Variants in HIVEP3 observed in about 807,000 individuals in gnomAD.
HIVEP3 encodes the protein HIVEP zinc finger 3.
HIVEP3 carries 49 observed loss-of-function variants against 152.8 expected under a neutral mutation model. The ratio of observed to expected loss-of-function variants is 0.32; its 90% CI spans 0.26 to 0.41. The LOEUF is 0.41. Ranked by LOEUF, HIVEP3 falls within the 10% of genes least tolerant of loss-of-function variation. HIVEP3 has a pLI of 1.00. For missense variants in HIVEP3, 2,790 were observed against 3,103.3 expected (o/e 0.90, Z 2.40); for synonymous variants, 1,269 against 1,289.0 (o/e 0.98, Z 0.33).
intron 3 of HIVEP3, among the ~76,000 whole-genome samples, chr1:41,611,359 C>A (rs907109114): frequency 2.6e-5 from 4 of 152,156 alleles, no homozygotes; most frequent in African/African-American, 9.7e-5. Context: ...AACAAAGACA[C>A]AAACTGTGGA....
At chr1:41,618,596 C>T (rs1022213852) in intron 3 of HIVEP3, among the ~76,000 whole-genome samples, 22 of 152,170 alleles carry the variant, frequency 1.4e-4, no homozygotes, top group African/African-American at 3.9e-4. Context: ...CTTTCCCTTT[C>T]GGTGGTGTCT....
At chr1:42,006,908 G>A (rs1645463017) in intron 1 of HIVEP3, among the ~76,000 whole-genome samples, 1 of 152,176 alleles carries the variant, frequency 6.6e-6, no homozygotes, top group African/African-American at 2.4e-5. Flanking sequence ...TTTAGAGAAA[G>A]ATAAACTGAG....
chr1:41,780,051 C>T (rs1648950302), intron 1 of HIVEP3, among the ~76,000 whole-genome samples: 1 of 152,200 alleles, frequency 6.6e-6, no homozygotes, highest in Non-Finnish European at 1.5e-5. Flanking sequence ...TGGCCCAGGA[C>T]AGGCAGCTTC....
At chr1:41,703,652 C>T (rs974502264) in intron 1 of HIVEP3, among the ~76,000 whole-genome samples, 3 of 152,182 alleles carry the variant, frequency 2.0e-5, no homozygotes, top group African/African-American at 4.8e-5. Context: ...TTATTTGTGA[C>T]GTATCTCCTG....
chr1:41,778,554 G>A (rs983356814), intron 1 of HIVEP3, among the ~76,000 whole-genome samples: 5 of 152,202 alleles, frequency 3.3e-5, no homozygotes, highest in Admixed American at 1.3e-4. Context: ...GCTGGAGGGC[G>A]GGGCAGGTCA....
intron 1 of HIVEP3, among the ~76,000 whole-genome samples, chr1:41,805,157 G>C (rs990425942): frequency 3.3e-5 from 5 of 152,082 alleles, no homozygotes; most frequent in African/African-American, 1.2e-4. Context: ...GCCAACATGG[G>C]GAAACCCCAT....
At chr1:41,629,434 T>C (rs1225486568) in intron 2 of HIVEP3, among the ~76,000 whole-genome samples, 1 of 152,196 alleles carries the variant, frequency 6.6e-6, no homozygotes, top group Non-Finnish European at 1.5e-5. Flanking sequence ...TAGGCCTAAT[T>C]AAACTAAAGA....
chr1:41,789,714 T>A (rs1649575567), intron 1 of HIVEP3, among the ~76,000 whole-genome samples: 1 of 152,156 alleles, frequency 6.6e-6, no homozygotes, highest in African/African-American at 2.4e-5. Flanking sequence ...GAGCTATTGA[T>A]CTAGTCTGAG....
At chr1:41,527,360 C>CAG (rs1643014986) in intron 5 of HIVEP3, among the ~76,000 whole-genome samples, 1 of 87,422 alleles carries the variant, frequency 1.1e-5, no homozygotes, top group South Asian at 3.6e-4. Flanking sequence ...CACCTTCACA[C>CAG]TCCACACCCC....
At chr1:41,743,862 A>T (rs967708893) in intron 1 of HIVEP3, among the ~76,000 whole-genome samples, 2 of 152,088 alleles carry the variant, frequency 1.3e-5, no homozygotes, top group African/African-American at 4.8e-5. Flanking sequence ...AAGCAGAGTA[A>T]TTGGGAAATG....
Position 41,508,660 on chromosome 1 carries a change from G to C in HIVEP3, c.*1791C>G, listed in dbSNP as rs764234907. On this transcript the variant is annotated 3_prime_UTR_variant, in exon 9 of 9. Coordinates refer to ENST00000372583, the MANE Select transcript of HIVEP3 (RefSeq NM_024503.5). ...TCTAGTAGGGACCAAGCAGGGAAAG[G>C]CCACGAATTGGAAGAGGCAAGTACA... The C allele has an allele frequency of 6.6e-6, 1 of 152,468 alleles. No individual in the cohort carries two copies. Among genetic ancestry groups the C allele is most frequent in the African/African-American group, 2.4e-5 (1 of 41,458 alleles). 9.4% of individuals were successfully genotyped at this position (152,468 alleles called of 1,614,324 possible). A position where few individuals can be genotyped will look rare whatever the true frequency, so the allele number is the denominator to read the frequency against.
At chr1:42,032,185 A>G (rs184077568) in intron 1 of HIVEP3, among the ~76,000 whole-genome samples, 26 of 152,258 alleles carry the variant, frequency 1.7e-4, no homozygotes, top group African/African-American at 6.0e-4. Flanking sequence ...CCCCAACCCC[A>G]TCTCTGTGTA....
At chr1:41,641,641 C>T (rs964040613) in intron 2 of HIVEP3, among the ~76,000 whole-genome samples, 2 of 152,218 alleles carry the variant, frequency 1.3e-5, no homozygotes, top group Non-Finnish European at 2.9e-5. Context: ...ATTGTCACCA[C>T]CTATATGTGG....
At chr1:41,680,024 T>C (rs187035544) in intron 2 of HIVEP3, among the ~76,000 whole-genome samples, 1 of 152,306 alleles carries the variant, frequency 6.6e-6, no homozygotes, top group East Asian at 1.9e-4. Flanking sequence ...CCTCATCCTT[T>C]TAGCAACCAA....
At chr1:41,734,973 C>T (rs917230402) in intron 1 of HIVEP3, among the ~76,000 whole-genome samples, 1 of 152,146 alleles carries the variant, frequency 6.6e-6, no homozygotes, top group African/African-American at 2.4e-5. Context: ...GTTTGCGACA[C>T]CAAACACATC....
At chr1:41,689,603 C>T (rs1242392396) in intron 2 of HIVEP3, among the ~76,000 whole-genome samples, 2 of 152,160 alleles carry the variant, frequency 1.3e-5, no homozygotes, top group Non-Finnish European at 2.9e-5. Context: ...CCTCCTGTAC[C>T]CTTTGCTTTG....
intron 1 of HIVEP3, among the ~76,000 whole-genome samples, chr1:41,980,522 CT>C (rs1251244439): frequency 1.3e-5 from 2 of 152,178 alleles, no homozygotes; most frequent in Non-Finnish European, 2.9e-5. Flanking sequence ...AGAAAGTAGA[CT>C]AGTGATTGCC....
At chr1:41,638,336 G>A (rs1455157672) in intron 2 of HIVEP3, among the ~76,000 whole-genome samples, 4,305 of 38,246 alleles carry the variant, frequency 0.11, 163 homozygotes, top group African/African-American at 0.17. Context: ...GAAAGAAAGG[G>A]AGAGAGAGAG....
Position 41,584,369 on chromosome 1 carries a change from C to T in HIVEP3, c.429G>A (p.Gln143=), listed in dbSNP as rs1000715577. ...FVAPGLHPQS[Q]LLPSHASIIP... ...TGATGGAAGCGTGGGAAGGAAGGAG[C>T]TGGCTCTGAGGATGGAGCCCAGGGG... Residue 143 remains glutamine (Q), a synonymous_variant, in exon 4 of 9, where the codon CAG becomes CAA. Transcript: ENST00000372583. The surrounding 1 kb of genome is among the most constrained non-coding windows in gnomAD (Gnocchi z 5.2). The T allele has an allele frequency of 1.2e-6, 2 of 1,613,500 alleles. No individual in the cohort carries two copies. Among genetic ancestry groups the T allele is most frequent in the African/African-American group, 1.3e-5 (1 of 74,902 alleles).
Sources: gnomAD v4.1 joint callset for allele counts (sites outside exome capture counted in the v4.1 genomes callset) on GRCh38, gnomAD v4.1.1 for gene constraint, Gnocchi (gnomAD v3.1) non-coding constraint, MANE v1.5 for transcripts, NCBI Gene and HGNC (gene_info 2026-07-23, HGNC 2026-07-21) for gene names.